CCDC175: variants seen among roughly 807,000 people sequenced by gnomAD.
CCDC175 encodes coiled-coil domain containing 175.
CCDC175 carries 100 observed loss-of-function variants against 114.6 expected under a neutral mutation model. That is an observed-to-expected ratio of 0.87 (90% CI 0.74 to 1.03). CCDC175 has a LOEUF of 1.03. Ranked by LOEUF, CCDC175 falls within the 50% of genes least tolerant of loss-of-function variation. The pLI, the probability that CCDC175 is intolerant of heterozygous loss-of-function variation, is 0.00. For missense variants in CCDC175, 880 were observed against 917.8 expected, an observed-to-expected ratio of 0.96 and a Z score of 0.53; for synonymous variants, 306 against 308.7, an observed-to-expected ratio of 0.99 and a Z score of 0.09.
chr14:59,535,736 C>G (rs8011952), intron 13 of CCDC175, among the ~76,000 whole-genome samples: 65,389 of 152,138 alleles, frequency 0.43, 14,568 homozygotes, highest in African/African-American at 0.53. Flanking sequence ...AGCCCAGACA[C>G]AACAAAGGAC....
At chr14:59,563,949 C>T (rs2140111235) in intron 5 of CCDC175, 90 bp from the exon 6 acceptor site, 1 of 798,120 alleles carries the variant, frequency 1.3e-6, no homozygotes, top group South Asian at 4.0e-5. Flanking sequence ...CAACCTAATT[C>T]ATATTTAATC....
At chr14:59,575,532 C>T (rs1463211096) in intron 1 of CCDC175, among the ~76,000 whole-genome samples, 4 of 115,974 alleles carry the variant, frequency 3.4e-5, no homozygotes, top group East Asian at 2.8e-4. Flanking sequence ...TTTTTTGAGA[C>T]GGAGTCTCGC....
At chr14:59,535,892 C>A (rs1382552557) in intron 13 of CCDC175, among the ~76,000 whole-genome samples, 1 of 145,990 alleles carries the variant, frequency 6.8e-6, no homozygotes, top group Non-Finnish European at 1.5e-5. Context: ...AGCTATCTAG[C>A]CAATATCATG....
chr14:59,529,393 A>G (rs74059535), intron 14 of CCDC175, among the ~76,000 whole-genome samples: 1,874 of 152,272 alleles, frequency 0.012, 38 homozygotes, highest in African/African-American at 0.043. Flanking sequence ...GGAGTCACTC[A>G]GCTAACTGCA....
chr14:59,570,784 C>G (rs887259398), intron 3 of CCDC175, among the ~76,000 whole-genome samples: 6 of 152,342 alleles, frequency 3.9e-5, no homozygotes, highest in Non-Finnish European at 8.8e-5. Flanking sequence ...CTCTGTCACC[C>G]AAGCTGGACT....
intron 7 of CCDC175, among the ~76,000 whole-genome samples, chr14:59,560,341 G>C (rs752383522): frequency 1.3e-5 from 2 of 152,104 alleles, no homozygotes; most frequent in Non-Finnish European, 2.9e-5. Context: ...TTCTTAAACT[G>C]TCAGTGAACC....
chr14:59,515,004 C>T (rs1017739306), intron 17 of CCDC175, among the ~76,000 whole-genome samples: 1 of 152,092 alleles, frequency 6.6e-6, no homozygotes, highest in African/African-American at 2.4e-5. Flanking sequence ...AGAGTGGGGG[C>T]CAATATTCAA....
chr14:59,550,480 C>T (rs1895399143), intron 8 of CCDC175, among the ~76,000 whole-genome samples: 1 of 151,924 alleles, frequency 6.6e-6, no homozygotes. Flanking sequence ...TCAAATACTT[C>T]TAAATAAGTA....
intron 16 of CCDC175, 31 bp from the exon 17 acceptor site, chr14:59,521,707 G>C: frequency 8.3e-7 from 1 of 1,201,758 alleles, no homozygotes; most frequent in Non-Finnish European, 1.2e-6. Flanking sequence ...ATTGCTTTTA[G>C]CAGTTTAGTT....
Position 59,527,118 on chromosome 14 carries a change from A to C in CCDC175, c.1819T>G (p.Phe607Val), listed in dbSNP as rs1893790341. 3 of 1,484,734 alleles carry C rather than the reference A, an allele frequency of 2.0e-6. No individual in the cohort carries two copies. The highest frequency in any genetic ancestry group is 2.7e-6 in the Non-Finnish European group (3 of 1,120,208). The allele number at this position is 1,484,734 out of a possible 1,614,324, so 92.0% of individuals were successfully genotyped here. Residue 607 changes from phenylalanine to valine, a missense_variant, in exon 15 of 20, where the codon TTT (phenylalanine) becomes GTT (valine). Coordinates refer to ENST00000537690, the MANE Select transcript of CCDC175 (RefSeq NM_001164399.2). ...ACCATGTTGCTAATGTATCTTGAAAAGTCCCTTGTAAACAGAAAAATGTGA... is the reference window on the plus strand; with the variant it reads ...ACCATGTTGCTAATGTATCTTGAAACGTCCCTTGTAAACAGAAAAATGTGA... ...NNHIFLFTRD[F>V]SRYISNMEDV...
chr14:59,560,600 T>G (rs117471881), intron 7 of CCDC175, among the ~76,000 whole-genome samples: 370 of 151,988 alleles, frequency 2.4e-3, no homozygotes, highest in Non-Finnish European at 4.5e-3. Context: ...AAGAGAGGAG[T>G]AAAACACTTC....
In CCDC175 at chr14:59,575,812, A is replaced by G. The variant is rs1595091601; in HGVS notation, c.158-784T>C. On this transcript the variant is annotated intron_variant, in intron 1 of 19. Transcript: ENST00000537690. ...ACATGAGCCACCGCGCCCGGCCAACATTCTTCATGATAACATTTACCCAAG... is the reference window on the plus strand; with the variant it reads ...ACATGAGCCACCGCGCCCGGCCAACGTTCTTCATGATAACATTTACCCAAG... Among the ~76,000 whole-genome samples, 7 of 137,654 alleles carry G rather than the reference A, an allele frequency of 5.1e-5. No homozygotes were observed. In the Admixed American group the frequency reaches 5.4e-4, roughly 11 times the overall value. The allele number at this position is 137,654 out of a possible 152,430, so 90.3% of individuals were successfully genotyped here.
intron 16 of CCDC175, among the ~76,000 whole-genome samples, chr14:59,524,823 C>T (rs535479830): frequency 6.6e-6 from 1 of 152,126 alleles, no homozygotes; most frequent in African/African-American, 2.4e-5. Context: ...GAATATCCAT[C>T]AATAGTCGAG....
intron 7 of CCDC175, among the ~76,000 whole-genome samples, chr14:59,552,614 T>C (rs538398259): frequency 6.6e-6 from 1 of 152,272 alleles, no homozygotes; most frequent in East Asian, 1.9e-4. Flanking sequence ...CAAAGCTGGA[T>C]GGAGAATGAC....
intron 17 of CCDC175, among the ~76,000 whole-genome samples, chr14:59,514,259 C>G (rs532920331): frequency 4.3e-4 from 66 of 152,248 alleles, no homozygotes; most frequent in African/African-American, 1.5e-3. Context: ...ATCAGAGTGC[C>G]TCTCTTCCTC....
chr14:59,540,498 A>C (rs888889249), intron 11 of CCDC175, among the ~76,000 whole-genome samples, 177 bp downstream of exon 11: 1 of 151,804 alleles, frequency 6.6e-6, no homozygotes, highest in Non-Finnish European at 1.5e-5. Flanking sequence ...AATGCCAAAA[A>C]AAAAAAAATC....
At chr14:59,526,568 A>C (rs112862537) in intron 15 of CCDC175, among the ~76,000 whole-genome samples, 1 of 151,872 alleles carries the variant, frequency 6.6e-6, no homozygotes, top group East Asian at 1.9e-4. Context: ...AAAAAAAAAA[A>C]AGTTACATTT....
chr14:59,574,395 T>C (rs2140137647), intron 2 of CCDC175, among the ~76,000 whole-genome samples: 1 of 152,292 alleles, frequency 6.6e-6, no homozygotes, highest in African/African-American at 2.4e-5. Flanking sequence ...AGGAAATTCT[T>C]TAAATATTTC....
chr14:59,533,149 C>G (rs562829835), intron 13 of CCDC175, among the ~76,000 whole-genome samples: 2 of 152,330 alleles, frequency 1.3e-5, no homozygotes, highest in South Asian at 2.1e-4. Flanking sequence ...GTTATAGTCT[C>G]CCTGGCTTAG....
Sources: allele counts gnomAD v4.1 joint callset (sites outside exome capture counted in the v4.1 genomes callset), GRCh38; gene constraint gnomAD v4.1.1; transcripts MANE v1.5; gene names NCBI Gene and HGNC (gene_info 2026-07-23, HGNC 2026-07-21).